The following SLC4A8 variants were observed in gnomAD, a reference collection of about 807,000 sequenced individuals.
SLC4A8 encodes electroneutral sodium bicarbonate exchanger 1.
A neutral mutation model predicts 125.0 loss-of-function variants in SLC4A8; 40 were observed. The observed-to-expected ratio is 0.32, with a 90% confidence interval of 0.25 to 0.42. The LOEUF (loss-of-function observed/expected upper bound fraction) is 0.42, where lower values mean the gene tolerates loss of function less well. SLC4A8 is among the 10% of genes least tolerant of loss of function. The pLI, the probability that SLC4A8 is intolerant of heterozygous loss-of-function variation, is 1.00. For missense variants in SLC4A8, 863 were observed against 1,355.1 expected (o/e 0.64, Z 5.70); for synonymous variants, 456 against 476.0 (o/e 0.96, Z 0.55).
At chr12:51,477,647 TC>T (rs796482849) in intron 16 of SLC4A8, among the ~76,000 whole-genome samples, 32 of 152,328 alleles carry the variant, frequency 2.1e-4, no homozygotes, top group African/African-American at 6.7e-4. Context: ...ACATGATGAC[TC>T]CCTGGAAGTT....
chr12:51,411,049 T>TG (rs1364073363), intron 1 of SLC4A8, among the ~76,000 whole-genome samples: 1 of 54,778 alleles, frequency 1.8e-5, no homozygotes, highest in East Asian at 6.0e-4. Context: ...CAATCTGTTT[T>TG]TTTTTTTTTT....
In SLC4A8 at chr12:51,474,447, T is replaced by C. The variant is rs758119357; in HGVS notation, c.2010T>C (p.Ser670=). The C allele has an allele frequency of 1.9e-6, 3 of 1,612,964 alleles. No individual in the cohort carries two copies. The South Asian group carries it at 3.3e-5, about 18-fold the overall frequency. Residue 670 remains serine (S), a splice_region_variant and synonymous_variant, in exon 15 of 25, where the codon AGT becomes AGC. Transcript: ENST00000453097. ...TCCACTGGGCTAACCTGACTGTCAG[T>C]GTAAGTCTGGGAGCTGCCAGATGTC... The part of the protein sequence containing the change: ...AEVHWANLTV[S]ECQEMHGEFM...
In SLC4A8 at chr12:51,494,926, G is replaced by T; in HGVS notation, c.2770-19G>T. ...CCAGAATGCCCTCCTGAAAATAAAT[G>T]CCAGTTCCTTCCTTTCAGTTCTTTG... On this transcript the variant is annotated intron_variant, in intron 20 of 24. Coordinates refer to ENST00000453097, the MANE Select transcript of SLC4A8 (RefSeq NM_001039960.3). The T allele has an allele frequency of 6.2e-7, 1 of 1,609,270 alleles. No homozygotes were observed. The highest frequency in any genetic ancestry group is 8.5e-7 in the Non-Finnish European group (1 of 1,176,284).
At chr12:51,399,912 G>A (rs1408603951) in intron 1 of SLC4A8, among the ~76,000 whole-genome samples, 1 of 152,028 alleles carries the variant, frequency 6.6e-6, no homozygotes, top group Non-Finnish European at 1.5e-5. Context: ...AACCTGGGAG[G>A]TGGAGGTTGC....
chr12:51,400,736 A>T (rs1375503031), intron 1 of SLC4A8, among the ~76,000 whole-genome samples: 3 of 274 alleles, frequency 0.011, no homozygotes, highest in Non-Finnish European at 0.021. Flanking sequence ...TTATATATAT[A>T]TATATATATA....
chr12:51,440,392 G>A (rs576140395), intron 1 of SLC4A8, among the ~76,000 whole-genome samples: 12 of 148,006 alleles, frequency 8.1e-5, no homozygotes, highest in African/African-American at 3.0e-4. Flanking sequence ...TATAGCCTGG[G>A]TGACCCATTC....
intron 1 of SLC4A8, among the ~76,000 whole-genome samples, chr12:51,415,224 A>T (rs1293236302): frequency 6.6e-6 from 1 of 151,914 alleles, no homozygotes; most frequent in Non-Finnish European, 1.5e-5. Context: ...GCACCAACCT[A>T]ATTTTGATAT....
Position 51,471,376 on chromosome 12 carries a change from G to A in SLC4A8, c.1748G>A (p.Ser583Asn). The stretch of plus-strand genomic sequence containing the variant: ...ATTGTCCTTGTGGCAACTGATGCCA[G>A]TTCCCTTGTCTGCTACATTACCCGT... ...LCIVLVATDA[S>N]SLVCYITRFT... Residue 583 changes from serine to asparagine, a missense_variant, in exon 14 of 25, where the codon AGT becomes AAT. Physicochemically the swap from Ser to Asn is conservative, Grantham distance 46. Coordinates refer to ENST00000453097, the MANE Select transcript of SLC4A8 (RefSeq NM_001039960.3). The A allele has an allele frequency of 6.2e-7, 1 of 1,614,158 alleles. No individual in the cohort carries two copies. Among genetic ancestry groups the A allele is most frequent in the Non-Finnish European group, 8.5e-7 (1 of 1,180,020 alleles).
intron 1 of SLC4A8, among the ~76,000 whole-genome samples, chr12:51,416,754 A>C (rs746176233): frequency 6.6e-6 from 1 of 152,178 alleles, no homozygotes; most frequent in Non-Finnish European, 1.5e-5. Context: ...AGGCATATCT[A>C]TCTGTTTCTG....
intron 2 of SLC4A8, among the ~76,000 whole-genome samples, chr12:51,449,893 G>GTGGT (rs1168566732): frequency 6.6e-6 from 1 of 152,260 alleles, no homozygotes; most frequent in East Asian, 1.9e-4. Flanking sequence ...GCTGGGTGTG[G>GTGGT]TGGTGCACAC....
chr12:51,401,373 A>T (rs1948388298), intron 1 of SLC4A8, among the ~76,000 whole-genome samples: 1 of 152,324 alleles, frequency 6.6e-6, no homozygotes, highest in Non-Finnish European at 1.5e-5. Context: ...AGTAGCTCTC[A>T]GTAGATAGGG....
chr12:51,393,023 CCCT>C (rs1214084267), intron 1 of SLC4A8, among the ~76,000 whole-genome samples: 2 of 151,280 alleles, frequency 1.3e-5, no homozygotes, highest in African/African-American at 4.9e-5. Flanking sequence ...TGCCCCGCCT[CCCT>C]CCTTTTTTCT....
At chr12:51,436,588 C>A (rs1275176160) in intron 1 of SLC4A8, among the ~76,000 whole-genome samples, 1 of 152,002 alleles carries the variant, frequency 6.6e-6, no homozygotes, top group South Asian at 2.1e-4. Flanking sequence ...TCTTTTGTGA[C>A]TTTTTCTTCT....
At chr12:51,491,446 G>C (rs998365833) in intron 19 of SLC4A8, among the ~76,000 whole-genome samples, 1 of 152,116 alleles carries the variant, frequency 6.6e-6, no homozygotes, top group Admixed American at 6.5e-5. Flanking sequence ...TATTAGGGAA[G>C]CCAAGTAAGG....
intron 7 of SLC4A8, among the ~76,000 whole-genome samples, 194 bp downstream of exon 7, chr12:51,458,844 C>G (rs951988414): frequency 1.3e-5 from 2 of 152,202 alleles, no homozygotes; most frequent in African/African-American, 4.8e-5. Context: ...GAAGCTGACT[C>G]AACAGTTTCT....
intron 5 of SLC4A8, among the ~76,000 whole-genome samples, chr12:51,455,175 A>T (rs1055330226): frequency 2.7e-5 from 4 of 150,664 alleles, no homozygotes; most frequent in Non-Finnish European, 4.4e-5. Context: ...TTCTTAGCAC[A>T]TAACAAAATG....
rs1951258994 is a variant in SLC4A8 at position 51,489,716 on chromosome 12, A to G, written c.2465A>G (p.His822Arg). The change falls in exon 19 of 25, where the codon CAC becomes CGC. Residue 822 changes from histidine (H) to arginine (R), a missense_variant. Around this residue, in one of 6 missense-constraint regions of SLC4A8, gnomAD observed 197 missense variants for 377.7 expected, o/e 0.52. Transcript: ENST00000453097. ...TCCCCACAGAAAGGCTGTGGCTACC[A>G]CCTGGACCTACTGATGGTGGCCATC... ...EHKLKKGCGYHLDLLMVAIML... is the reference protein window; with the variant it reads ...EHKLKKGCGYRLDLLMVAIML... 1 of 1,614,200 alleles carries G rather than the reference A, an allele frequency of 6.2e-7. No individual in the cohort carries two copies. The highest frequency in any genetic ancestry group is 8.5e-7 in the Non-Finnish European group (1 of 1,180,032).
At chr12:51,400,797 C>CATATATAA (rs1948372928) in intron 1 of SLC4A8, among the ~76,000 whole-genome samples, 1 of 91,712 alleles carries the variant, frequency 1.1e-5, no homozygotes, top group Non-Finnish European at 2.1e-5. Flanking sequence ...CACACACACA[C>CATATATAA]ACACATATAT....
chr12:51,426,093 A>G (rs555355755), intron 1 of SLC4A8, among the ~76,000 whole-genome samples: 2 of 152,298 alleles, frequency 1.3e-5, no homozygotes, highest in East Asian at 3.9e-4. Flanking sequence ...CACGTCTTGG[A>G]AACAAGTGCC....
Sources: gnomAD v4.1 joint callset for allele counts (sites outside exome capture counted in the v4.1 genomes callset) on GRCh38, gnomAD v4.1.1 for gene constraint, gnomAD v4.1.1 regional missense constraint, MANE v1.5 for transcripts, NCBI Gene and HGNC (gene_info 2026-07-23, HGNC 2026-07-21) for gene names.